RNF148: variants seen among roughly 807,000 people sequenced by gnomAD.
The protein encoded by RNF148 is ring finger protein 148.
RNF148 carries 16 observed loss-of-function variants against 21.1 expected under a neutral mutation model. The observed-to-expected ratio is 0.76, with a 90% CI of 0.51 to 1.15. The LOEUF (loss-of-function observed/expected upper bound fraction) is 1.15, where lower values mean the gene tolerates loss of function less well. Among genes scored for constraint, RNF148 ranks in the 50% most tolerant of loss-of-function variants. The probability of loss-of-function intolerance (pLI) is 0.00; values close to 1 mark genes in which losing one functional copy is unlikely to be tolerated. For synonymous variants in RNF148, 150 were observed against 136.4 expected (o/e 1.10, Z -0.69); for missense variants, 424 against 374.2 (o/e 1.13, Z -1.10).
Position 122,702,202 on chromosome 7 carries a change from G to A in RNF148, c.549C>T (p.His183=), listed in dbSNP as rs1294433902. The A allele has an allele frequency of 6.2e-7, 1 of 1,613,628 alleles. No individual in the cohort carries two copies. Among genetic ancestry groups the A allele is most frequent in the African/African-American group, 1.3e-5 (1 of 74,890 alleles). ...TGATGTAATGGCTCACCCACTGCAT[G>A]TGCATTCTCCCCACTTCAATGATGA... ...VTVIIEVGRM[H]MQWVSHYIMY... is the part of the protein sequence containing the mutation. The change falls in exon 1 of 1, where the codon CAC becomes CAT. Residue 183 remains histidine (H), a synonymous_variant. Transcript: ENST00000434824.
In RNF148 at chr7:122,702,800, A is replaced by G; in HGVS notation, c.-50T>C. The stretch of plus-strand genomic sequence containing the variant: ...AAACATGAGAAAACAAAACAACATC[A>G]GTTGTAGAAGAACATAAAGAAGATA... On this transcript the variant is annotated 5_prime_UTR_variant, in exon 1 of 1. An upstream open reading frame in the 5' UTR loses its in-frame stop. Transcript: ENST00000434824. 2 of 1,334,868 alleles carry G rather than the reference A, an allele frequency of 1.5e-6. No individual in the cohort carries two copies. The highest frequency in any genetic ancestry group is 2.5e-5 in the East Asian group (1 of 40,542). 82.7% of individuals were successfully genotyped at this position (1,334,868 alleles called of 1,614,324 possible).
rs777129168 is a variant in RNF148 at position 122,702,104 on chromosome 7, C to T, written c.647G>A (p.Arg216Lys). The T allele has an allele frequency of 6.2e-6, 10 of 1,613,522 alleles. No individual in the cohort carries two copies. The African/African-American group carries it at 9.3e-5, about 15-fold the overall frequency. Residue 216 changes from arginine to lysine, a missense_variant, in exon 1 of 1, where the codon AGA (arginine) becomes AAA (lysine). Arg to Lys is a conservative substitution (Grantham distance 26, BLOSUM62 2). Transcript: ENST00000434824. ...CCTCCTGGTGAAAGAATTGGGCACT[C>T]TAGGTGTAAGTCTCCAGACGCAATC... is the stretch of plus-strand genomic sequence containing the variant. ...YLDCVWRLTP[R>K]VPNSFTRRRS... is the part of the protein sequence containing the mutation.
In RNF148 at chr7:122,701,806, A is replaced by T; in HGVS notation, c.*27T>A. The T allele has an allele frequency of 7.1e-7, 1 of 1,404,012 alleles. No individual in the cohort carries two copies. The highest frequency in any genetic ancestry group is 1.3e-5 in the South Asian group (1 of 77,320). The allele number at this position is 1,404,012 out of a possible 1,614,324, so 87.0% of individuals were successfully genotyped here. A position where few individuals can be genotyped will look rare whatever the true frequency, so the allele number is the denominator to read the frequency against. ...TCTTTGTATTTGGAAAGATCTGGTT[A>T]CATCTTCAGAAAATTCTCCAGATTT... On this transcript the variant is annotated 3_prime_UTR_variant, in exon 1 of 1. Coordinates refer to ENST00000434824, the MANE Select transcript of RNF148 (RefSeq NM_198085.2).
rs755013018 is a variant in RNF148 at position 122,702,212 on chromosome 7, C to G, written c.539G>C (p.Gly180Ala). 129 of 1,613,658 alleles carry G rather than the reference C, an allele frequency of 8.0e-5. No homozygotes were observed. Among genetic ancestry groups the G allele is most frequent in the Non-Finnish European group, 1.1e-4 (125 of 1,179,778 alleles). ...GCTCACCCACTGCATGTGCATTCTCCCCACTTCAATGATGACTGTCACATA... is the reference window on the plus strand; with the variant it reads ...GCTCACCCACTGCATGTGCATTCTCGCCACTTCAATGATGACTGTCACATA... ...GVYVTVIIEV[G>A]RMHMQWVSHY... The change falls in exon 1 of 1, where the codon GGG becomes GCG. Residue 180 changes from glycine (G) to alanine (A), a missense_variant. By Grantham distance (60) the Gly-to-Ala change is moderately conservative. Coordinates refer to ENST00000434824, the MANE Select transcript of RNF148 (RefSeq NM_198085.2).
rs1478469716 is a variant in RNF148 at position 122,702,242 on chromosome 7, C to A, written c.509G>T (p.Gly170Val). ...TTCAATGATGACTGTCACATAGACTCCTTTCTGAATCGAGTGCAAAATTTC... is the reference window on the plus strand; with the variant it reads ...TTCAATGATGACTGTCACATAGACTACTTTCTGAATCGAGTGCAAAATTTC... ...GMEILHSIQK[G>V]VYVTVIIEVG... Residue 170 changes from glycine to valine, a missense_variant, in exon 1 of 1, where the codon GGA becomes GTA. By Grantham distance (109) the Gly-to-Val change is moderately radical. Coordinates refer to ENST00000434824, the MANE Select transcript of RNF148 (RefSeq NM_198085.2). 1.2e-6 allele frequency: 2 copies of A among 1,613,872 alleles called. No individual in the cohort carries two copies. Among genetic ancestry groups the A allele is most frequent in the Admixed American group, 3.3e-5 (2 of 60,006 alleles).
chr7:122,701,809 T>A lies in RNF148; in HGVS notation c.*24A>T. 2.1e-6 allele frequency: 3 copies of A among 1,449,642 alleles called. No individual in the cohort carries two copies. The highest frequency in any genetic ancestry group is 2.8e-6 in the Non-Finnish European group (3 of 1,054,930). 89.8% of individuals were successfully genotyped at this position (1,449,642 alleles called of 1,614,324 possible). On this transcript the variant is annotated 3_prime_UTR_variant, in exon 1 of 1. Coordinates refer to ENST00000434824, the MANE Select transcript of RNF148 (RefSeq NM_198085.2). Reference sequence around the variant, plus strand: ...TTGTATTTGGAAAGATCTGGTTACATCTTCAGAAAATTCTCCAGATTTCTT... The same window carrying A: ...TTGTATTTGGAAAGATCTGGTTACAACTTCAGAAAATTCTCCAGATTTCTT...
In RNF148 at chr7:122,702,507, T is replaced by A; in HGVS notation, c.244A>T (p.Asn82Tyr). ...SGVVALPEGW[N>Y]QNACHPLTNF... ...GTCAAAGGATGACAGGCATTCTGAT[T>A]CCATCCTTCAGGAAGTGCCACCACA... The change falls in exon 1 of 1, where the codon AAT becomes TAT. Residue 82 changes from asparagine to tyrosine, a missense_variant. Physicochemically the swap from Asn to Tyr is moderately radical, Grantham distance 143. Coordinates refer to ENST00000434824, the MANE Select transcript of RNF148 (RefSeq NM_198085.2). 6.2e-7 allele frequency: 1 copy of A among 1,613,616 alleles called. No homozygotes were observed. The highest frequency in any genetic ancestry group is 8.5e-7 in the Non-Finnish European group (1 of 1,179,712).
rs1350882763 is a variant in RNF148 at position 122,702,260 on chromosome 7, A to G, written c.491T>C (p.Leu164Ser). The change falls in exon 1 of 1, where the codon TTG (leucine) becomes TCG (serine). Residue 164 changes from leucine to serine, a missense_variant. Physicochemically the swap from Leu to Ser is moderately radical, Grantham distance 145. Coordinates refer to ENST00000434824, the MANE Select transcript of RNF148 (RefSeq NM_198085.2). ...MISNLKGMEI[L>S]HSIQKGVYVT... is the part of the protein sequence containing the mutation. ...ATAGACTCCTTTCTGAATCGAGTGCAAAATTTCCATGCCTTTCAGGTTGCT... is the reference window on the plus strand; with the variant it reads ...ATAGACTCCTTTCTGAATCGAGTGCGAAATTTCCATGCCTTTCAGGTTGCT... The G allele has an allele frequency of 6.2e-7, 1 of 1,613,846 alleles. No individual in the cohort carries two copies. Among genetic ancestry groups the G allele is most frequent in the South Asian group, 1.1e-5 (1 of 91,082 alleles).
In RNF148 at chr7:122,701,890, G is replaced by A. The variant is rs763225143; in HGVS notation, c.861C>T (p.Pro287=). 2.5e-6 allele frequency: 4 copies of A among 1,613,460 alleles called. No individual in the cohort carries two copies. The highest frequency in any genetic ancestry group is 2.5e-6 in the Non-Finnish European group (3 of 1,179,570). Residue 287 remains proline, a synonymous_variant, in exon 1 of 1, where the codon CCC becomes CCT. Coordinates refer to ENST00000434824, the MANE Select transcript of RNF148 (RefSeq NM_198085.2). ...GACATGTCCTATGGGCTAAAAGCCA[G>A]GGGTCAATGCATGCCTTATGGAAAA... ...KHFFHKACID[P]WLLAHRTCPM... is the part of the protein sequence containing the mutation.
rs1312304055 is a variant in RNF148, at chr7:122,702,766, T to C, written c.-16A>G. ...GGAAGCTCATGCCTCCATTTGTCTA[T>C]TAAGAGACAAACATGAGAAAACAAA... On this transcript the variant is annotated 5_prime_UTR_variant, in exon 1 of 1. An upstream open reading frame in the 5' UTR loses its in-frame stop. Transcript: ENST00000434824. 3 of 1,550,896 alleles carry C rather than the reference T, an allele frequency of 1.9e-6. No individual in the cohort carries two copies. Among genetic ancestry groups the C allele is most frequent in the Non-Finnish European group, 2.6e-6 (3 of 1,146,302 alleles).
Position 122,702,059 on chromosome 7 carries a change from T to G in RNF148, c.692A>C (p.Asp231Ala), listed in dbSNP as rs1312677669. The change falls in exon 1 of 1, where the codon GAT (aspartate) becomes GCT (alanine). Residue 231 changes from aspartate (D) to alanine (A), a missense_variant. Coordinates refer to ENST00000434824, the MANE Select transcript of RNF148 (RefSeq NM_198085.2). The part of the protein sequence containing the change: ...FTRRRSQIKT[D>A]VKKAIDQLQL... ...AAGCTGGTCAATAGCTTTCTTCACA[T>G]CTGTCTTTATTTGACTTCGCCTCCT... 1 of 1,613,648 alleles carries G rather than the reference T, an allele frequency of 6.2e-7. No individual in the cohort carries two copies. The highest frequency in any genetic ancestry group is 1.7e-5 in the Admixed American group (1 of 59,930).
At position 122,702,060 on chromosome 7, in the gene RNF148, C is replaced by T. The variant is rs749118557; in HGVS notation, c.691G>A (p.Asp231Asn). 9 of 1,613,640 alleles carry T rather than the reference C, an allele frequency of 5.6e-6. No homozygotes were observed. The highest frequency in any genetic ancestry group is 7.6e-6 in the Non-Finnish European group (9 of 1,179,690). Reference sequence around the variant, plus strand: ...AGCTGGTCAATAGCTTTCTTCACATCTGTCTTTATTTGACTTCGCCTCCTG... The same window carrying T: ...AGCTGGTCAATAGCTTTCTTCACATTTGTCTTTATTTGACTTCGCCTCCTG... ...FTRRRSQIKT[D>N]VKKAIDQLQL... Residue 231 changes from aspartate to asparagine, a missense_variant, in exon 1 of 1, where the codon GAT becomes AAT. Coordinates refer to ENST00000434824, the MANE Select transcript of RNF148 (RefSeq NM_198085.2).
At position 122,701,983 on chromosome 7, in the gene RNF148, G is replaced by C; in HGVS notation, c.768C>G (p.Asp256Glu). 2 of 1,613,692 alleles carry C rather than the reference G, an allele frequency of 1.2e-6. No homozygotes were observed. Among genetic ancestry groups the C allele is most frequent in the Non-Finnish European group, 1.7e-6 (2 of 1,179,736 alleles). The change falls in exon 1 of 1, where the codon GAC becomes GAG. Residue 256 changes from aspartate (D) to glutamate (E), a missense_variant. Asp to Glu is a conservative substitution (Grantham distance 45). Transcript: ENST00000434824. ...ATGTGTCAAAGCAAACAACACAGTT[G>C]TCTTCATTTAGGTCTAATTCCTCAT... Reference protein sequence around the residue: ...EGDEELDLNEDNCVVCFDTYK... With the variant: ...EGDEELDLNEENCVVCFDTYK...
At position 122,702,197 on chromosome 7, in the gene RNF148, T is replaced by A. The variant is rs766328092; in HGVS notation, c.554A>T (p.Gln185Leu). Residue 185 changes from glutamine (Q) to leucine (L), a missense_variant, in exon 1 of 1, where the codon CAG (glutamine) becomes CTG (leucine). Coordinates refer to ENST00000434824, the MANE Select transcript of RNF148 (RefSeq NM_198085.2). Reference protein sequence around the residue: ...VIIEVGRMHMQWVSHYIMYLF... With the variant: ...VIIEVGRMHMLWVSHYIMYLF... ...ATACATGATGTAATGGCTCACCCACTGCATGTGCATTCTCCCCACTTCAAT... is the reference window on the plus strand; with the variant it reads ...ATACATGATGTAATGGCTCACCCACAGCATGTGCATTCTCCCCACTTCAAT... The A allele has an allele frequency of 3.1e-6, 5 of 1,613,826 alleles. No individual in the cohort carries two copies. The highest frequency in any genetic ancestry group is 3.4e-6 in the Non-Finnish European group (4 of 1,179,756).
chr7:122,702,639 A>C lies in RNF148; in HGVS notation c.112T>G (p.Trp38Gly). 4 of 1,613,618 alleles carry C rather than the reference A, an allele frequency of 2.5e-6. No homozygotes were observed. The highest frequency in any genetic ancestry group is 3.4e-6 in the Non-Finnish European group (4 of 1,179,696). Residue 38 changes from tryptophan (W) to glycine (G), a missense_variant, in exon 1 of 1, where the codon TGG becomes GGG. By Grantham distance (184) the Trp-to-Gly change is radical. Coordinates refer to ENST00000434824, the MANE Select transcript of RNF148 (RefSeq NM_198085.2). ...AATGTTATATTCAGGTGAGCTGTCC[A>C]AATGGCTTTTCCGTTTGAGTCAGGA... ...SFPDSNGKAIWTAHLNITFQV... is the reference protein window; with the variant it reads ...SFPDSNGKAIGTAHLNITFQV...
chr7:122,702,172 A>G lies in RNF148; in HGVS notation c.579T>C (p.Tyr193=), dbSNP rs760137088. ...TTGTGGCAGCCAGGAAGGTAAATAG[A>G]TACATGATGTAATGGCTCACCCACT... ...HMQWVSHYIM[Y]LFTFLAATIA... is the part of the protein sequence containing the mutation. The change falls in exon 1 of 1, where the codon TAT becomes TAC. Residue 193 remains tyrosine, a synonymous_variant. Transcript: ENST00000434824. 4.9e-5 allele frequency: 79 copies of G among 1,613,652 alleles called. No homozygotes were observed. Among genetic ancestry groups the G allele is most frequent in the Non-Finnish European group, 6.3e-5 (74 of 1,179,746 alleles).
rs767274191 is a variant in RNF148 at position 122,702,118 on chromosome 7, C to G, written c.633G>C (p.Trp211Cys). 1.9e-6 allele frequency: 3 copies of G among 1,613,580 alleles called. No individual in the cohort carries two copies. The highest frequency in any genetic ancestry group is 2.5e-6 in the Non-Finnish European group (3 of 1,179,768). ...AATTGGGCACTCTAGGTGTAAGTCT[C>G]CAGACGCAATCTAAGTAAAAGTAGG... ...TIAYFYLDCV[W>C]RLTPRVPNSF... is the part of the protein sequence containing the mutation. Residue 211 changes from tryptophan to cysteine, a missense_variant, in exon 1 of 1, where the codon TGG becomes TGC. Coordinates refer to ENST00000434824, the MANE Select transcript of RNF148 (RefSeq NM_198085.2).
At position 122,702,689 on chromosome 7, in the gene RNF148, A is replaced by C; in HGVS notation, c.62T>G (p.Leu21Arg). Reference protein sequence around the residue: ...HSSVSSGLLRLSIFLLLSFPD... With the variant: ...HSSVSSGLLRRSIFLLLSFPD... The stretch of plus-strand genomic sequence containing the variant: ...AAAGCTAAGTAGTAGAAAGATACTA[A>C]GCCTCAAAAGTCCAGATGAAACAGA... The change falls in exon 1 of 1, where the codon CTT becomes CGT. Residue 21 changes from leucine (L) to arginine (R), a missense_variant. Transcript: ENST00000434824. 6.2e-7 allele frequency: 1 copy of C among 1,612,950 alleles called. No individual in the cohort carries two copies. Among genetic ancestry groups the C allele is most frequent in the Non-Finnish European group, 8.5e-7 (1 of 1,179,364 alleles).
In RNF148 at chr7:122,702,028, C is replaced by T. The variant is rs1487735392; in HGVS notation, c.723G>A (p.Leu241=). 1 of 1,613,596 alleles carries T rather than the reference C, an allele frequency of 6.2e-7. No individual in the cohort carries two copies. The highest frequency in any genetic ancestry group is 1.1e-5 in the South Asian group (1 of 91,080). The stretch of plus-strand genomic sequence containing the variant: ...CCTCATCCCCTTCTTTGAGAACTCG[C>T]AGTTGAAGCTGGTCAATAGCTTTCT... ...DVKKAIDQLQ[L]RVLKEGDEEL... is the part of the protein sequence containing the mutation. The change falls in exon 1 of 1, where the codon CTG becomes CTA. Residue 241 remains leucine, a synonymous_variant. Coordinates refer to ENST00000434824, the MANE Select transcript of RNF148 (RefSeq NM_198085.2).
Sources: gnomAD v4.1 joint callset for allele counts on GRCh38, gnomAD v4.1.1 for gene constraint, MANE v1.5 for transcripts, NCBI Gene and HGNC (gene_info 2026-07-23, HGNC 2026-07-21) for gene names.